Variants in ROBO2 observed in about 807,000 individuals in gnomAD.
The protein encoded by ROBO2 is roundabout guidance receptor 2, also known as roundabout homolog 2.
ROBO2 carries 53 observed loss-of-function variants against 160.8 expected under a neutral mutation model. That is an observed-to-expected ratio of 0.33 (90% CI 0.26 to 0.41). ROBO2 has a LOEUF of 0.41. Ranked by LOEUF, ROBO2 falls within the 10% of genes least tolerant of loss-of-function variation. The probability of loss-of-function intolerance (pLI) is 1.00; values close to 1 mark genes in which losing one functional copy is unlikely to be tolerated. For missense variants in ROBO2, 1,577 were observed against 1,722.4 expected, an observed-to-expected ratio of 0.92 and a Z score of 1.49; for synonymous variants, 664 against 611.7, an observed-to-expected ratio of 1.09 and a Z score of -1.26.
At chr3:76,083,700 C>T (rs989536635) in intron 2 of ROBO2, among the ~76,000 whole-genome samples, 3 of 152,138 alleles carry the variant, frequency 2.0e-5, no homozygotes, top group African/African-American at 4.8e-5. Context: ...AAATTCTACA[C>T]CTCCTATGGC....
At chr3:76,983,747 T>C (rs2060222560) in intron 2 of ROBO2, among the ~76,000 whole-genome samples, 5 of 152,190 alleles carry the variant, frequency 3.3e-5, no homozygotes, top group Admixed American at 3.3e-4. Flanking sequence ...TCTGTCCAGA[T>C]AAGGTACGTC....
At chr3:76,402,995 A>G (rs931157947) in intron 2 of ROBO2, among the ~76,000 whole-genome samples, 2 of 151,596 alleles carry the variant, frequency 1.3e-5, no homozygotes, top group African/African-American at 4.8e-5. Flanking sequence ...GATTCTGACA[A>G]TTTTGGAGAC....
chr3:77,295,463 T>C lies in ROBO2; in HGVS notation c.389-181951T>C, dbSNP rs1297486130. Among the ~76,000 whole-genome samples the C allele has an allele frequency of 1.3e-5, 2 of 148,782 alleles. 1 individual carries two copies. Among genetic ancestry groups the C allele is most frequent in the African/African-American group, 5.1e-5 (2 of 39,378 alleles). ...AGAACAGTAAAGACATAAAGTAAAA[T>C]TGACGGTTAAATGGGTAAGCTGAGG... On this transcript the variant is annotated intron_variant, in intron 2 of 25. Transcript: ENST00000461745.
chr3:76,584,983 A>G (rs2108765805), intron 2 of ROBO2, among the ~76,000 whole-genome samples: 1 of 152,334 alleles, frequency 6.6e-6, no homozygotes, highest in South Asian at 2.1e-4. Context: ...CTCATTCAAC[A>G]GCAGTTCATT....
rs144453065 is a variant in ROBO2 at position 76,821,741 on chromosome 3, A to T, written c.110-276273A>T. 6.6e-5 allele frequency among the ~76,000 whole-genome samples: 10 copies of T among 152,120 alleles called. No individual in the cohort carries two copies. The East Asian group carries it at 1.9e-3, about 29-fold the overall frequency. On this transcript the variant is annotated intron_variant, in intron 2 of 26. Transcript: ENST00000487694. Reference sequence around the variant, plus strand: ...GATTCCAGAATTATCATAAAATATCAGTGGCATCTGCAGGCAGAGGGGCAA... The same window carrying T: ...GATTCCAGAATTATCATAAAATATCTGTGGCATCTGCAGGCAGAGGGGCAA...
chr3:76,775,090 C>G (rs1221769477), intron 2 of ROBO2, among the ~76,000 whole-genome samples: 1 of 150,450 alleles, frequency 6.6e-6, no homozygotes, highest in Non-Finnish European at 1.5e-5. Flanking sequence ...ACTTATTTTT[C>G]TAAAATGAAG....
At chr3:76,189,557 T>C (rs1701915754) in intron 2 of ROBO2, among the ~76,000 whole-genome samples, 1 of 152,120 alleles carries the variant, frequency 6.6e-6, no homozygotes, top group African/African-American at 2.4e-5. Flanking sequence ...TCTCTGTACA[T>C]ACAAAACAGG....
chr3:76,631,391 A>G (rs1298280313), intron 2 of ROBO2, among the ~76,000 whole-genome samples: 1 of 152,174 alleles, frequency 6.6e-6, no homozygotes, highest in African/African-American at 2.4e-5. Flanking sequence ...TTGGACAATA[A>G]TGAAAAGGTT....
chr3:77,514,959 T>C (rs920039970), intron 5 of ROBO2, among the ~76,000 whole-genome samples: 9 of 151,684 alleles, frequency 5.9e-5, no homozygotes, highest in Non-Finnish European at 1.2e-4. Flanking sequence ...AAGAGTTTTT[T>C]CCCCAACTAT....
chr3:75,946,442 G>A (rs1948295720), intron 2 of ROBO2, among the ~76,000 whole-genome samples: 1 of 151,938 alleles, frequency 6.6e-6, no homozygotes, highest in South Asian at 2.1e-4. Context: ...GAAAGAGGAA[G>A]AAGACATACA....
At chr3:77,298,090 G>T (rs2062317142) in intron 2 of ROBO2, among the ~76,000 whole-genome samples, 1 of 152,120 alleles carries the variant, frequency 6.6e-6, no homozygotes, top group Non-Finnish European at 1.5e-5. Context: ...ATCCATCAAA[G>T]GATTCAGTGA....
intron 2 of ROBO2, among the ~76,000 whole-genome samples, chr3:77,108,545 G>A (rs1200895859): frequency 2.0e-5 from 3 of 152,018 alleles, no homozygotes; most frequent in Non-Finnish European, 4.4e-5. Context: ...AGAGTAAAAC[G>A]GGTTAAAGAG....
chr3:76,969,723 A>T (rs1034236362), intron 2 of ROBO2, among the ~76,000 whole-genome samples: 3 of 152,058 alleles, frequency 2.0e-5, no homozygotes, highest in Non-Finnish European at 4.4e-5. Context: ...AAGCTTTATT[A>T]TAAATTATTG....
At chr3:77,233,779 A>G (rs1290301405) in intron 2 of ROBO2, among the ~76,000 whole-genome samples, 1 of 152,142 alleles carries the variant, frequency 6.6e-6, no homozygotes, top group Non-Finnish European at 1.5e-5. Flanking sequence ...ATTCTTATTA[A>G]TTACCTTATA....
intron 1 of ROBO2, among the ~76,000 whole-genome samples, chr3:77,058,131 C>T (rs7634297): frequency 0.99 from 151,403 of 152,314 alleles, 75,253 homozygotes; most frequent in East Asian, 1. Context: ...ATTATTGGGA[C>T]AACAAAGTTC....
chr3:76,872,634 G>C (rs1677815087), intron 2 of ROBO2, among the ~76,000 whole-genome samples: 1 of 151,946 alleles, frequency 6.6e-6, no homozygotes, highest in African/African-American at 2.4e-5. Flanking sequence ...AACTGTGTAA[G>C]CTTTGGTGAG....
intron 2 of ROBO2, among the ~76,000 whole-genome samples, chr3:76,136,300 A>T (rs763875556): frequency 2.0e-4 from 30 of 151,888 alleles, no homozygotes; most frequent in Non-Finnish European, 3.4e-4. Context: ...TGGAATTCTG[A>T]TAAAGCTCCC....
At chr3:76,606,681 G>T (rs908661452) in intron 2 of ROBO2, among the ~76,000 whole-genome samples, 2 of 151,710 alleles carry the variant, frequency 1.3e-5, no homozygotes, top group African/African-American at 4.8e-5. Context: ...CTTAATGTTT[G>T]TCTTTCTTTA....
At position 76,498,020 on chromosome 3, in the gene ROBO2, C is replaced by G. The variant is rs148788885; in HGVS notation, c.109+560418C>G. 1.8e-3 allele frequency among the ~76,000 whole-genome samples: 268 copies of G among 152,278 alleles called. 1 individual carries two copies. Among genetic ancestry groups the G allele is most frequent in the Non-Finnish European group, 3.1e-3 (209 of 68,024 alleles). ...CTCCCTTACACTATATTTTAAACCT[C>G]TTTGTTTACTCATTCATTGTCTGCC... is the stretch of plus-strand genomic sequence containing the variant. On this transcript the variant is annotated intron_variant, in intron 2 of 26. Transcript: ENST00000487694.
Sources: allele counts gnomAD v4.1 joint callset (sites outside exome capture counted in the v4.1 genomes callset), GRCh38; gene constraint gnomAD v4.1.1; transcripts MANE v1.5; gene names NCBI Gene and HGNC (gene_info 2026-07-23, HGNC 2026-07-21).